Variants in LYPLA1 observed in about 807,000 individuals in gnomAD.
LYPLA1 encodes the protein lysophospholipase 1, also known as acyl-protein thioesterase 1.
Under a neutral mutation model 34.0 loss-of-function variants are expected in LYPLA1, and 17 were observed. The ratio of observed to expected loss-of-function variants is 0.50; its 90% confidence interval spans 0.34 to 0.75. The LOEUF is 0.75. LYPLA1 is among the 30% of genes least tolerant of loss of function. The probability of loss-of-function intolerance (pLI) is 0.01; values close to 1 mark genes in which losing one functional copy is unlikely to be tolerated. For synonymous variants in LYPLA1, 98 were observed against 100.8 expected, an observed-to-expected ratio of 0.97 and a Z score of 0.17; for missense variants, 203 against 288.8, an observed-to-expected ratio of 0.70 and a Z score of 2.15.
intron 6 of LYPLA1, 155 bp from the exon 7 acceptor site, chr8:54,052,911 A>G (rs1342947977): frequency 1.2e-5 from 7 of 587,018 alleles, no homozygotes; most frequent in Non-Finnish European, 1.9e-5. Flanking sequence ...AACACACCCC[A>G]CCGTGTCCTA....
intron 2 of LYPLA1, among the ~76,000 whole-genome samples, chr8:54,066,667 G>C (rs890619519): frequency 6.6e-6 from 1 of 151,902 alleles, no homozygotes; most frequent in Non-Finnish European, 1.5e-5. Flanking sequence ...TGTAGTCCCA[G>C]CTACTCAGGA....
chr8:54,092,710 A>C (rs537938549), intron 2 of LYPLA1, among the ~76,000 whole-genome samples: 63 of 152,306 alleles, frequency 4.1e-4, no homozygotes, highest in African/African-American at 1.4e-3. Flanking sequence ...GGCTGGGTGT[A>C]GTGGCTCACA....
At chr8:54,084,603 A>G (rs1390732564) in intron 2 of LYPLA1, among the ~76,000 whole-genome samples, 1 of 152,166 alleles carries the variant, frequency 6.6e-6, no homozygotes, top group Non-Finnish European at 1.5e-5. Context: ...AACTAAAGCA[A>G]AAGTTGGTTC....
chr8:54,094,370 T>C (rs1809523754), intron 2 of LYPLA1, among the ~76,000 whole-genome samples: 1 of 152,130 alleles, frequency 6.6e-6, no homozygotes, highest in African/African-American at 2.4e-5. Context: ...GAATGAAGCA[T>C]AGCTGTGAGC....
intron 2 of LYPLA1, among the ~76,000 whole-genome samples, chr8:54,076,191 C>T (rs541269495): frequency 3.3e-5 from 5 of 151,082 alleles, no homozygotes; most frequent in Non-Finnish European, 5.9e-5. Context: ...AATAAAAAAG[C>T]ATCTAGAAGG....
chr8:54,064,683 C>T (rs1806915348), intron 3 of LYPLA1, among the ~76,000 whole-genome samples: 1 of 152,100 alleles, frequency 6.6e-6, no homozygotes, highest in Admixed American at 6.6e-5. Context: ...TGAGTATGTC[C>T]AATCCCTTCT....
At chr8:54,092,952 C>A (rs905895335) in intron 2 of LYPLA1, among the ~76,000 whole-genome samples, 13 of 152,170 alleles carry the variant, frequency 8.5e-5, no homozygotes, top group African/African-American at 2.9e-4. Context: ...AAAAGAAACA[C>A]CACTCATCCC....
chr8:54,074,630 C>T (rs894487825), intron 2 of LYPLA1, among the ~76,000 whole-genome samples: 1 of 152,224 alleles, frequency 6.6e-6, no homozygotes, highest in African/African-American at 2.4e-5. Context: ...GTTAATGCCT[C>T]TGGTCTCAAA....
At position 54,062,270 on chromosome 8, in the gene LYPLA1, T is replaced by A; in HGVS notation, c.270A>T (p.Lys90Asn). The change falls in exon 5 of 9, where the codon AAA becomes AAT. Residue 90 changes from lysine (K) to asparagine (N), a missense_variant. This residue lies in a region of LYPLA1 where 123 missense variants were observed against 199.2 expected (regional missense o/e 0.62). Transcript: ENST00000316963. ...TGTACTTACTATTTTCTGCTGCCTG[T>A]TTAATCCCAGATTCATCCTCCTGTG... Reference protein sequence around the residue: ...PDSQEDESGIKQAAENIKALI... With the variant: ...PDSQEDESGINQAAENIKALI... The A allele has an allele frequency of 6.2e-7, 1 of 1,606,644 alleles. No individual in the cohort carries two copies. Among genetic ancestry groups the A allele is most frequent in the Non-Finnish European group, 8.5e-7 (1 of 1,176,610 alleles).
At chr8:54,057,200 T>C (rs1407981940) in intron 5 of LYPLA1, among the ~76,000 whole-genome samples, 2 of 152,140 alleles carry the variant, frequency 1.3e-5, no homozygotes, top group African/African-American at 2.4e-5. Flanking sequence ...GTTTGGAGGT[T>C]CCTCAAATAA....
intron 3 of LYPLA1, among the ~76,000 whole-genome samples, chr8:54,063,957 T>A (rs1027476885): frequency 2.6e-4 from 40 of 152,188 alleles, no homozygotes; most frequent in Non-Finnish European, 5.3e-4. Flanking sequence ...ATAAGCACAC[T>A]CTAACTACAT....
chr8:54,101,865 C>G lies in LYPLA1; in HGVS notation c.-42G>C. Reference sequence around the variant, plus strand: ...CAGCGCAAGCGGAAGGAAGAGCGGGCGCCCGGCCGCGGCCCAAGGGCGTGC... The same window carrying G: ...CAGCGCAAGCGGAAGGAAGAGCGGGGGCCCGGCCGCGGCCCAAGGGCGTGC... On this transcript the variant is annotated 5_prime_UTR_variant, in exon 1 of 9. Coordinates refer to ENST00000316963, the MANE Select transcript of LYPLA1 (RefSeq NM_006330.4). The G allele has an allele frequency of 2.5e-6, 3 of 1,178,628 alleles. No homozygotes were observed. Among genetic ancestry groups the G allele is most frequent in the Non-Finnish European group, 2.1e-6 (2 of 936,714 alleles). 73.0% of individuals were successfully genotyped at this position (1,178,628 alleles called of 1,614,324 possible).
At chr8:54,073,411 G>C in intron 2 of LYPLA1, 1 of 776,584 alleles carries the variant, frequency 1.3e-6, no homozygotes, top group South Asian at 1.3e-5. Context: ...ATGCTGGCAC[G>C]GCCAGCTCCG....
chr8:54,044,645 AG>A (rs1196311451), downstream of LYPLA1, among the ~76,000 whole-genome samples: 7 of 151,894 alleles, frequency 4.6e-5, no homozygotes, highest in Admixed American at 3.9e-4. Context: ...TGCCCTTAAA[AG>A]GGTCCTGGCT....
rs1333568285 is a variant in LYPLA1 at position 54,093,921 on chromosome 8, T to C, written c.101+6987A>G. Among the ~76,000 whole-genome samples, 6 of 152,370 alleles carry C rather than the reference T, an allele frequency of 3.9e-5. No individual in the cohort carries two copies. In the East Asian group the frequency reaches 1.2e-3, roughly 29 times the overall value. On this transcript the variant is annotated intron_variant, in intron 2 of 8. Transcript: ENST00000316963. The stretch of plus-strand genomic sequence containing the variant: ...CTATCCTTCCACAAATTCTAATTTT[T>C]GTTTAAGCTAGTTGAAGAGTTTTCT...
At chr8:54,073,377 G>A in intron 2 of LYPLA1, 3 of 789,406 alleles carry the variant, frequency 3.8e-6, no homozygotes, top group African/African-American at 1.7e-5. Context: ...ACACCTGGCT[G>A]CCCAAGAAGT....
intron 2 of LYPLA1, among the ~76,000 whole-genome samples, chr8:54,087,165 C>G (rs560240036): frequency 3.9e-5 from 6 of 152,088 alleles, no homozygotes; most frequent in Non-Finnish European, 2.9e-5. Context: ...CAAAAACATC[C>G]TAAGAGCTAT....
In LYPLA1 at chr8:54,083,882, A is replaced by G. The variant is rs187820276; in HGVS notation, c.101+17026T>C. Among the ~76,000 whole-genome samples, 107 of 152,238 alleles carry G rather than the reference A, an allele frequency of 7.0e-4. No homozygotes were observed. In the Middle Eastern group the frequency reaches 0.027, roughly 39 times the overall value. On this transcript the variant is annotated intron_variant, in intron 2 of 8. Transcript: ENST00000316963. Reference sequence around the variant, plus strand: ...GCCGGGCACGGTGGCTCACGCCTGTAATCCCAGCACTTTGGGATGCTGAGG... The same window carrying G: ...GCCGGGCACGGTGGCTCACGCCTGTGATCCCAGCACTTTGGGATGCTGAGG...
At chr8:54,055,271 A>G (rs563955207) in intron 5 of LYPLA1, 138 bp from the exon 6 acceptor site, 56 of 579,206 alleles carry the variant, frequency 9.7e-5, no homozygotes, top group South Asian at 5.2e-4. Context: ...AAAGCACTTC[A>G]TTAAAATACA....
Sources: gnomAD v4.1 joint callset for allele counts (sites outside exome capture counted in the v4.1 genomes callset) on GRCh38, gnomAD v4.1.1 for gene constraint, gnomAD v4.1.1 regional missense constraint, MANE v1.5 for transcripts, NCBI Gene and HGNC (gene_info 2026-07-23, HGNC 2026-07-21) for gene names.